DENND1A: variants seen among roughly 807,000 people sequenced by gnomAD.
DENND1A encodes DENN domain-containing protein 1A.
A neutral mutation model predicts 113.7 loss-of-function variants in DENND1A; 51 were observed. The observed-to-expected ratio is 0.45, with a 90% CI of 0.36 to 0.57. The LOEUF (loss-of-function observed/expected upper bound fraction) is 0.57, where lower values mean the gene tolerates loss of function less well. Among genes scored for constraint, DENND1A ranks in the 20% least tolerant of loss-of-function variants. The pLI, the probability that DENND1A is intolerant of heterozygous loss-of-function variation, is 0.00. For missense variants in DENND1A, 1,258 were observed against 1,395.9 expected, an observed-to-expected ratio of 0.90 and a Z score of 1.57; for synonymous variants, 565 against 570.8, an observed-to-expected ratio of 0.99 and a Z score of 0.14.
At chr9:123,513,586 C>G (rs904122525) in intron 13 of DENND1A, among the ~76,000 whole-genome samples, 1 of 152,242 alleles carries the variant, frequency 6.6e-6, no homozygotes, top group Admixed American at 6.5e-5. Context: ...GTCATACAAT[C>G]CATCTCTTCC....
At position 123,796,367 on chromosome 9, in the gene DENND1A, G is replaced by A. The variant is rs1833757389; in HGVS notation, c.89-3737C>T. 2.0e-5 allele frequency among the ~76,000 whole-genome samples: 3 copies of A among 152,200 alleles called. No homozygotes were observed. The South Asian group carries it at 6.2e-4, about 31-fold the overall frequency. On this transcript the variant is annotated intron_variant, in intron 2 of 23. Coordinates refer to ENST00000394215, the MANE Select transcript of DENND1A (RefSeq NM_001352964.2). ...TCACTCAGGCACAGAACATGACCAT[G>A]CTTAAAAAGCTATGTCTTCACAGCA...
rs553265039 is a variant in DENND1A, at chr9:123,432,484, C to T, written c.1488+7876G>A. ...GGGGACCGAAGGGAGGGCACTGTCA[C>T]GGTCACCCTACAGTGGGCACAGAGG... On this transcript the variant is annotated intron_variant, in intron 19 of 23. Coordinates refer to ENST00000394215, the MANE Select transcript of DENND1A (RefSeq NM_001352964.2). Among the ~76,000 whole-genome samples the T allele has an allele frequency of 1.3e-4, 20 of 152,300 alleles. No homozygotes were observed. The South Asian group carries it at 1.9e-3, about 14-fold the overall frequency.
chr9:123,679,192 A>G (rs1250121508), intron 5 of DENND1A, among the ~76,000 whole-genome samples: 2 of 152,242 alleles, frequency 1.3e-5, no homozygotes, highest in Non-Finnish European at 2.9e-5. Context: ...TATTTGGTGA[A>G]GTGATATGGG....
chr9:123,915,428 T>TA (rs1367543418), intron 1 of DENND1A, among the ~76,000 whole-genome samples: 1 of 152,106 alleles, frequency 6.6e-6, no homozygotes, highest in Non-Finnish European at 1.5e-5. Context: ...CACATAATGT[T>TA]AAAGCATAAC....
intron 2 of DENND1A, among the ~76,000 whole-genome samples, chr9:123,815,183 G>A (rs377053915): frequency 2.7e-4 from 41 of 152,310 alleles, no homozygotes; most frequent in African/African-American, 8.9e-4. Flanking sequence ...ATTCTTTACA[G>A]TTATTTGCTC....
intron 2 of DENND1A, among the ~76,000 whole-genome samples, chr9:123,822,808 C>T (rs1451479104): frequency 3.3e-5 from 5 of 152,156 alleles, no homozygotes; most frequent in African/African-American, 1.2e-4. Flanking sequence ...TTTAAAAATT[C>T]ACTTCAAGAC....
intron 10 of DENND1A, among the ~76,000 whole-genome samples, chr9:123,612,500 C>T (rs1421733209): frequency 6.6e-6 from 1 of 152,296 alleles, no homozygotes; most frequent in African/African-American, 2.4e-5. Context: ...ACATTAACAG[C>T]TTTATATCTT....
chr9:123,513,822 T>G (rs921166399), intron 13 of DENND1A, among the ~76,000 whole-genome samples: 2 of 152,188 alleles, frequency 1.3e-5, no homozygotes, highest in African/African-American at 4.8e-5. Context: ...TCACATACCC[T>G]TTTGATCATG....
intron 9 of DENND1A, among the ~76,000 whole-genome samples, chr9:123,634,262 C>T (rs79776021): frequency 0.042 from 6,455 of 152,280 alleles, 172 homozygotes; most frequent in South Asian, 0.06. Flanking sequence ...TTGCTCATTT[C>T]ATTAGTGGGT....
intron 1 of DENND1A, among the ~76,000 whole-genome samples, chr9:123,919,456 A>G (rs926891846): frequency 1.3e-5 from 2 of 151,918 alleles, no homozygotes; most frequent in Non-Finnish European, 2.9e-5. Context: ...TGGGTGACAA[A>G]GTACAACTTC....
intron 6 of DENND1A, among the ~76,000 whole-genome samples, chr9:123,675,092 T>C (rs562102345): frequency 6.6e-6 from 1 of 152,320 alleles, no homozygotes; most frequent in South Asian, 2.1e-4. Flanking sequence ...CCCTGACATC[T>C]AAGCTTCTTT....
At chr9:123,463,295 T>C (rs2048681445) in intron 13 of DENND1A, among the ~76,000 whole-genome samples, 1 of 152,234 alleles carries the variant, frequency 6.6e-6, no homozygotes, top group Non-Finnish European at 1.5e-5. Context: ...ATTATCTTCT[T>C]GACATATGGA....
At chr9:123,566,912 A>AT in intron 12 of DENND1A, among the ~76,000 whole-genome samples, 1 of 84,532 alleles carries the variant, frequency 1.2e-5, no homozygotes, top group Non-Finnish European at 2.3e-5. Flanking sequence ...GCTTTAACAC[A>AT]CCACACACAC....
At chr9:123,904,863 A>G (rs1397956286) in intron 1 of DENND1A, among the ~76,000 whole-genome samples, 2 of 152,120 alleles carry the variant, frequency 1.3e-5, no homozygotes, top group Non-Finnish European at 2.9e-5. Context: ...AGAACGCCAC[A>G]CAGATACTCC....
chr9:123,503,271 T>C (rs369776548), intron 13 of DENND1A, among the ~76,000 whole-genome samples: 9 of 152,220 alleles, frequency 5.9e-5, no homozygotes, highest in African/African-American at 2.2e-4. Flanking sequence ...CTCTGTCTCC[T>C]TATTCATCAA....
At chr9:123,535,663 G>A (rs2055700244) in intron 13 of DENND1A, among the ~76,000 whole-genome samples, 1 of 152,232 alleles carries the variant, frequency 6.6e-6, no homozygotes, top group Middle Eastern at 3.4e-3. Context: ...TCAGATCCCA[G>A]CTATTTGAAT....
At position 123,870,027 on chromosome 9, in the gene DENND1A, AT is replaced by A. The variant is rs1479819158; in HGVS notation, c.88+8923del. ...TCAAAAAAAAAAAAAAAAAAAAAGA[AT>A]CAGGGCCCAGCCCTAACACTCCATA... On this transcript the variant is annotated intron_variant, in intron 2 of 23. Coordinates refer to ENST00000394215, the MANE Select transcript of DENND1A (RefSeq NM_001352964.2). Among the ~76,000 whole-genome samples the A allele has an allele frequency of 7.3e-5, 11 of 151,098 alleles. No individual in the cohort carries two copies. In the East Asian group the frequency reaches 2.1e-3, roughly 29 times the overall value.
At chr9:123,383,122 T>A (rs561020287) in intron 23 of DENND1A, among the ~76,000 whole-genome samples, 1 of 152,304 alleles carries the variant, frequency 6.6e-6, no homozygotes, top group African/African-American at 2.4e-5. Flanking sequence ...GGAACACTCA[T>A]GAATGACTGG....
rs1460420571 is a variant in DENND1A at position 123,403,425 on chromosome 9, C to T, written c.1608G>A (p.Arg536=). ...ACTGCTCAGGGCTCGGCACAGACGT[C>T]CTCCGGCCTTCCACTGCGATGTTGC... The part of the protein sequence containing the change: ...PKSNIAVEGR[R]TSVPSPEHLV... Residue 536 remains arginine, a synonymous_variant, in exon 21 of 24, where the codon AGG becomes AGA. Coordinates refer to ENST00000394215, the MANE Select transcript of DENND1A (RefSeq NM_001352964.2). 1.2e-6 allele frequency: 2 copies of T among 1,614,092 alleles called. No individual in the cohort carries two copies. Among genetic ancestry groups the T allele is most frequent in the Non-Finnish European group, 1.7e-6 (2 of 1,180,048 alleles).
Sources: allele counts gnomAD v4.1 joint callset (sites outside exome capture counted in the v4.1 genomes callset), GRCh38; gene constraint gnomAD v4.1.1; transcripts MANE v1.5; gene names NCBI Gene and HGNC (gene_info 2026-07-23, HGNC 2026-07-21).